PLD5: variants seen among roughly 807,000 people sequenced by gnomAD.
PLD5 encodes the protein phospholipase D family member 5, also known as inactive phospholipase D5.
A neutral mutation model predicts 61.1 loss-of-function variants in PLD5; 36 were observed. That is an observed-to-expected ratio of 0.59 (90% CI 0.45 to 0.78). The LOEUF is 0.78. PLD5 is among the 30% of genes least tolerant of loss of function. The pLI is 0.00. For synonymous variants in PLD5, 243 were observed against 242.8 expected, an observed-to-expected ratio of 1.00 and a Z score of -0.01; for missense variants, 515 against 644.4, an observed-to-expected ratio of 0.80 and a Z score of 2.17.
intron 3 of PLD5, among the ~76,000 whole-genome samples, chr1:242,272,727 T>G (rs1574648278): frequency 1.3e-5 from 2 of 152,008 alleles, no homozygotes; most frequent in South Asian, 4.1e-4. Context: ...AGCAAAACCA[T>G]GAAAGGAGGC....
intron 9 of PLD5, among the ~76,000 whole-genome samples, chr1:242,090,433 T>C (rs974100923): frequency 1.3e-5 from 2 of 152,208 alleles, no homozygotes; most frequent in African/African-American, 2.4e-5. Context: ...TTAAAATATA[T>C]AGGGATTCAT....
intron 1 of PLD5, among the ~76,000 whole-genome samples, chr1:242,409,228 A>G (rs1664412869): frequency 6.6e-6 from 1 of 152,120 alleles, no homozygotes; most frequent in Non-Finnish European, 1.5e-5. Context: ...TTCATCTTTT[A>G]AAATTTATCT....
chr1:242,168,765 ATAGCAGTTGTT>A (rs1254485011), intron 5 of PLD5, among the ~76,000 whole-genome samples: 2 of 151,298 alleles, frequency 1.3e-5, no homozygotes, highest in Admixed American at 1.3e-4. Context: ...AAATAGTAAA[ATAGCAGTTGTT>A]TAAAGGTATT....
At chr1:242,423,256 G>A (rs1041672168) in intron 1 of PLD5, among the ~76,000 whole-genome samples, 3 of 152,096 alleles carry the variant, frequency 2.0e-5, no homozygotes, top group Non-Finnish European at 4.4e-5. Flanking sequence ...GAATGGCTAT[G>A]CACAGCAGAC....
At chr1:242,491,303 A>T (rs1325746206) in intron 1 of PLD5, among the ~76,000 whole-genome samples, 1 of 152,200 alleles carries the variant, frequency 6.6e-6, no homozygotes, top group East Asian at 1.9e-4. Context: ...CATTGAAAAA[A>T]CTTCCTCTTT....
chr1:242,193,463 A>C (rs1267785751), intron 5 of PLD5, among the ~76,000 whole-genome samples: 2 of 152,190 alleles, frequency 1.3e-5, no homozygotes, highest in African/African-American at 4.8e-5. Context: ...GTGGCCATGC[A>C]CAGAGAGACT....
chr1:242,135,800 A>G (rs74153360), intron 5 of PLD5, among the ~76,000 whole-genome samples: 7,401 of 152,242 alleles, frequency 0.049, 613 homozygotes, highest in African/African-American at 0.17. Flanking sequence ...TACTTTGCCC[A>G]GGGCTTTGGC....
intron 1 of PLD5, among the ~76,000 whole-genome samples, chr1:242,428,205 G>A (rs778780736): frequency 6.6e-6 from 1 of 152,196 alleles, no homozygotes; most frequent in Non-Finnish European, 1.5e-5. Flanking sequence ...GATACAGTGA[G>A]CGTTTAAAAT....
intron 2 of PLD5, among the ~76,000 whole-genome samples, chr1:242,326,315 T>C (rs1456180189): frequency 6.6e-6 from 1 of 151,738 alleles, no homozygotes; most frequent in African/African-American, 2.4e-5. Context: ...ATAAAGGTAC[T>C]GCGGCTGCTA....
At chr1:242,425,274 A>G (rs1665355736) in intron 1 of PLD5, among the ~76,000 whole-genome samples, 1 of 152,202 alleles carries the variant, frequency 6.6e-6, no homozygotes, top group Non-Finnish European at 1.5e-5. Flanking sequence ...CACTCCCAGG[A>G]TATATGGTAG....
chr1:242,509,137 G>C (rs1201547983), intron 1 of PLD5, among the ~76,000 whole-genome samples: 1 of 151,970 alleles, frequency 6.6e-6, no homozygotes, highest in African/African-American at 2.4e-5. Context: ...AGCACTTTGG[G>C]AGGCTGAGGC....
At chr1:242,235,697 C>T (rs1014056686) in intron 4 of PLD5, 3 of 152,182 alleles carry the variant, frequency 2.0e-5, no homozygotes, top group African/African-American at 7.2e-5. Flanking sequence ...GAGTAGGAAC[C>T]TGCTGTGCTC....
In PLD5 at chr1:242,084,475, C is replaced by T. The variant is rs991978872; in HGVS notation, c.*5379G>A. The T allele has an allele frequency of 6.6e-5, 10 of 152,058 alleles. No homozygotes were observed. The highest frequency in any genetic ancestry group is 8.8e-5 in the Non-Finnish European group (6 of 68,036). 9.4% of individuals were successfully genotyped at this position (152,058 alleles called of 1,614,324 possible). On this transcript the variant is annotated 3_prime_UTR_variant, in exon 10 of 10. Transcript: ENST00000536534. ...GAGAAAGGAACCATATAAAGCACTC[C>T]AAATTGTTTGGCTCAAGTAGGTTTT...
chr1:242,124,343 C>T (rs535870681), intron 6 of PLD5, 125 bp downstream of exon 6: 13 of 843,220 alleles, frequency 1.5e-5, no homozygotes, highest in South Asian at 9.0e-5. Flanking sequence ...TAACTCTTCA[C>T]GTCATGGGAT....
intron 4 of PLD5, among the ~76,000 whole-genome samples, chr1:242,260,211 G>T (rs1414000194): frequency 6.6e-6 from 1 of 152,072 alleles, no homozygotes; most frequent in Non-Finnish European, 1.5e-5. Context: ...GCCAGGGCTG[G>T]TGTCATGCAC....
chr1:242,291,793 C>T (rs574944638), intron 2 of PLD5, among the ~76,000 whole-genome samples: 1 of 151,908 alleles, frequency 6.6e-6, no homozygotes. Context: ...GGTGACAGAG[C>T]GAGACTCTGT....
chr1:242,277,682 A>G (rs12023289), intron 3 of PLD5, among the ~76,000 whole-genome samples: 1 of 149,370 alleles, frequency 6.7e-6, no homozygotes, highest in East Asian at 2.0e-4. Context: ...TAAGTTCAAA[A>G]TTAAGATACA....
intron 5 of PLD5, among the ~76,000 whole-genome samples, chr1:242,191,137 T>G (rs1200077659): frequency 6.6e-6 from 1 of 152,016 alleles, no homozygotes; most frequent in Non-Finnish European, 1.5e-5. Context: ...TTTTTTTTTT[T>G]TTTTTTCCTT....
intron 5 of PLD5, among the ~76,000 whole-genome samples, chr1:242,177,511 C>A (rs1471802707): frequency 1.3e-5 from 2 of 151,940 alleles, no homozygotes; most frequent in South Asian, 4.2e-4. Flanking sequence ...ACGTGTGTAC[C>A]TATGTAACAA....
Sources: gnomAD v4.1 joint callset for allele counts (sites outside exome capture counted in the v4.1 genomes callset) on GRCh38, gnomAD v4.1.1 for gene constraint, MANE v1.5 for transcripts, NCBI Gene and HGNC (gene_info 2026-07-23, HGNC 2026-07-21) for gene names.